NCKAP5: variants seen among roughly 807,000 people sequenced by gnomAD.
The protein encoded by NCKAP5 is nck-associated protein 5.
NCKAP5 carries 92 observed loss-of-function variants against 167.0 expected under a neutral mutation model. The ratio of observed to expected loss-of-function variants is 0.55; its 90% CI spans 0.47 to 0.66. NCKAP5 has a LOEUF of 0.66. Ranked by LOEUF, NCKAP5 falls within the 30% of genes least tolerant of loss-of-function variation. NCKAP5 has a pLI of 0.00. For missense variants in NCKAP5, 2,378 were observed against 2,315.0 expected (o/e 1.03, Z -0.56); for synonymous variants, 891 against 877.4 (o/e 1.02, Z -0.27).
In NCKAP5 at chr2:133,400,793, C is replaced by A. The variant is rs76243447; in HGVS notation, c.70-97683G>T. Among the ~76,000 whole-genome samples the A allele has an allele frequency of 7.0e-3, 1,060 of 152,002 alleles. 18 individuals carry two copies. Among genetic ancestry groups the A allele is most frequent in the African/African-American group, 0.024 (1,006 of 41,476 alleles). On this transcript the variant is annotated intron_variant, in intron 3 of 19. Transcript: ENST00000409261. ...ATTTGCATTTCATTAAGTTTGTGGC[C>A]CATATAAAAATGCTGATTTTTTTTC...
At chr2:132,767,995 AG>A (rs1349114104) in intron 16 of NCKAP5, among the ~76,000 whole-genome samples, 2 of 152,242 alleles carry the variant, frequency 1.3e-5, no homozygotes, top group Non-Finnish European at 2.9e-5. Context: ...GTCTGGCAGT[AG>A]GAACACTTCT....
At chr2:133,446,161 A>C (rs2151181618) in intron 3 of NCKAP5, among the ~76,000 whole-genome samples, 1 of 152,326 alleles carries the variant, frequency 6.6e-6, no homozygotes, top group African/African-American at 2.4e-5. Context: ...AAAGGGGAAG[A>C]AAGGCAAAGA....
intron 6 of NCKAP5, among the ~76,000 whole-genome samples, chr2:133,013,282 A>C (rs1043573227): frequency 7.2e-5 from 11 of 152,278 alleles, no homozygotes; most frequent in Admixed American, 5.9e-4. Context: ...TGTGACACTC[A>C]CAGCAGCTCC....
chr2:133,191,212 A>T (rs901988176), intron 5 of NCKAP5, among the ~76,000 whole-genome samples: 1 of 152,210 alleles, frequency 6.6e-6, no homozygotes, highest in East Asian at 1.9e-4. Flanking sequence ...GCAAATCAAA[A>T]CCACAAAGAG....
At chr2:133,439,647 C>T (rs140570120) in intron 3 of NCKAP5, among the ~76,000 whole-genome samples, 4 of 152,178 alleles carry the variant, frequency 2.6e-5, no homozygotes, top group African/African-American at 9.6e-5. Context: ...TAAGACATAC[C>T]ATTCTGACCT....
At chr2:133,346,796 AT>A (rs1684008712) in intron 3 of NCKAP5, among the ~76,000 whole-genome samples, 1 of 152,232 alleles carries the variant, frequency 6.6e-6, no homozygotes, top group Non-Finnish European at 1.5e-5. Flanking sequence ...TAGAGTGGGA[AT>A]CACCCTGGTA....
intron 3 of NCKAP5, among the ~76,000 whole-genome samples, chr2:133,469,139 T>C (rs1288180714): frequency 5.3e-5 from 8 of 152,348 alleles, no homozygotes; most frequent in East Asian, 1.9e-4. Flanking sequence ...GATTTTGCAG[T>C]GGCTGGTACC....
At chr2:132,694,810 A>T (rs1427413428) in intron 19 of NCKAP5, among the ~76,000 whole-genome samples, 1 of 152,208 alleles carries the variant, frequency 6.6e-6, no homozygotes, top group Admixed American at 6.5e-5. Flanking sequence ...GTGTCACAAA[A>T]GTTAGGTTAG....
intron 6 of NCKAP5, among the ~76,000 whole-genome samples, chr2:133,024,013 T>C (rs555540551): frequency 6.6e-6 from 1 of 152,298 alleles, no homozygotes; most frequent in South Asian, 2.1e-4. Context: ...GAGATATGTA[T>C]GTATGTCTTA....
chr2:133,490,201 G>T (rs901592746), intron 3 of NCKAP5, among the ~76,000 whole-genome samples: 1 of 152,132 alleles, frequency 6.6e-6, no homozygotes, highest in African/African-American at 2.4e-5. Flanking sequence ...CTGGAATTGG[G>T]TACAGCCCAA....
chr2:133,005,909 T>C (rs946825492), intron 6 of NCKAP5, among the ~76,000 whole-genome samples: 2 of 152,158 alleles, frequency 1.3e-5, no homozygotes, highest in African/African-American at 4.8e-5. Flanking sequence ...AAGATTAGTA[T>C]TTTACAATTT....
the NCKAP5 span, among the ~76,000 whole-genome samples, chr2:133,586,751 TCACACACACACACACACACACACA>T: frequency 1.4e-5 from 2 of 140,932 alleles, no homozygotes; most frequent in African/African-American, 5.3e-5. Flanking sequence ...GACAGCAATA[TCACACACACACACACACACACACA>T]CACACACACA....
chr2:133,047,758 T>C (rs2079451172), intron 6 of NCKAP5, among the ~76,000 whole-genome samples: 1 of 152,190 alleles, frequency 6.6e-6, no homozygotes, highest in Non-Finnish European at 1.5e-5. Context: ...GGAGTCAACA[T>C]TCACAGTTAT....
chr2:133,054,239 C>T (rs1281084004), intron 6 of NCKAP5, among the ~76,000 whole-genome samples: 1 of 152,142 alleles, frequency 6.6e-6, no homozygotes, highest in Non-Finnish European at 1.5e-5. Context: ...GAGATCACAC[C>T]TTGTTTAATA....
intron 4 of NCKAP5, among the ~76,000 whole-genome samples, chr2:133,289,722 C>A (rs949167585): frequency 2.7e-5 from 4 of 150,610 alleles, no homozygotes; most frequent in Non-Finnish European, 5.9e-5. Context: ...AACAAACAAA[C>A]AAACAAAAAA....
intron 8 of NCKAP5, among the ~76,000 whole-genome samples, chr2:132,960,025 CA>C (rs2076465268): frequency 6.6e-6 from 1 of 152,088 alleles, no homozygotes; most frequent in Non-Finnish European, 1.5e-5. Context: ...AATTGAAGCC[CA>C]GGGGAAGCAG....
At chr2:132,827,657 G>C (rs1687224277) in intron 11 of NCKAP5, among the ~76,000 whole-genome samples, 1 of 152,084 alleles carries the variant, frequency 6.6e-6, no homozygotes, top group Non-Finnish European at 1.5e-5. Flanking sequence ...AGACAGTCTG[G>C]CTCCAGAGTG....
chr2:133,236,283 G>T (rs2150275423), intron 4 of NCKAP5, among the ~76,000 whole-genome samples: 1 of 152,198 alleles, frequency 6.6e-6, no homozygotes, highest in East Asian at 1.9e-4. Flanking sequence ...ACCAGAGCCA[G>T]AGGCTCACAG....
the NCKAP5 span, among the ~76,000 whole-genome samples, chr2:133,673,968 C>T: frequency 6.6e-6 from 1 of 152,204 alleles, no homozygotes; most frequent in Admixed American, 6.5e-5. Context: ...CCTGCTCAGC[C>T]ATACTCCAAC....
Sources: allele counts gnomAD v4.1 joint callset (sites outside exome capture counted in the v4.1 genomes callset), GRCh38; gene constraint gnomAD v4.1.1; transcripts MANE v1.5; gene names NCBI Gene and HGNC (gene_info 2026-07-23, HGNC 2026-07-21).